GLIS3: variants seen among roughly 807,000 people sequenced by gnomAD.
GLIS3 encodes zinc finger protein GLIS3.
A neutral mutation model predicts 78.6 loss-of-function variants in GLIS3; 53 were observed. The ratio of observed to expected loss-of-function variants is 0.67; its 90% CI spans 0.54 to 0.85. The LOEUF is 0.85. GLIS3 is among the 40% of genes least tolerant of loss of function. GLIS3 has a pLI of 0.00. For synonymous variants in GLIS3, 684 were observed against 509.9 expected, an observed-to-expected ratio of 1.34 and a Z score of -4.60; for missense variants, 1,703 against 1,231.1, an observed-to-expected ratio of 1.38 and a Z score of -5.74.
At chr9:4,342,773 C>A (rs1486118401) in intron 2 of GLIS3, among the ~76,000 whole-genome samples, 2 of 152,152 alleles carry the variant, frequency 1.3e-5, no homozygotes, top group African/African-American at 4.8e-5. Flanking sequence ...CTGATTTCAG[C>A]AGTGTTTTGT....
intron 4 of GLIS3, among the ~76,000 whole-genome samples, chr9:4,014,163 G>T (rs1471589751): frequency 6.6e-6 from 1 of 152,180 alleles, no homozygotes; most frequent in East Asian, 1.9e-4. Flanking sequence ...CCAATGGCTG[G>T]ATTTGGCCTC....
chr9:3,833,366 C>T (rs1467565884), intron 9 of GLIS3, among the ~76,000 whole-genome samples: 1 of 152,104 alleles, frequency 6.6e-6, no homozygotes, highest in Non-Finnish European at 1.5e-5. Context: ...TAAAAAATTC[C>T]GTTAGGGTCT....
At chr9:4,331,286 G>C (rs563112892) in intron 2 of GLIS3, among the ~76,000 whole-genome samples, 5 of 152,152 alleles carry the variant, frequency 3.3e-5, no homozygotes, top group Admixed American at 6.5e-5. Flanking sequence ...CTTCTTTTGT[G>C]CGTGTGTGTC....
chr9:4,145,732 C>G (rs1414959120), intron 2 of GLIS3, among the ~76,000 whole-genome samples: 1 of 151,902 alleles, frequency 6.6e-6, no homozygotes, highest in Non-Finnish European at 1.5e-5. Context: ...GCCAGCTTCC[C>G]TCCTCCCTTT....
intron 4 of GLIS3, among the ~76,000 whole-genome samples, chr9:4,110,775 G>C (rs189083171): frequency 6.6e-6 from 1 of 152,044 alleles, no homozygotes; most frequent in Admixed American, 6.6e-5. Context: ...AGCAATTACA[G>C]TAGAAACTAA....
chr9:4,204,710 G>C (rs942864308), intron 2 of GLIS3, among the ~76,000 whole-genome samples: 1 of 152,066 alleles, frequency 6.6e-6, no homozygotes, highest in Non-Finnish European at 1.5e-5. Flanking sequence ...CTGAGCTCAG[G>C]AGTTTGAGAC....
the GLIS3 span, among the ~76,000 whole-genome samples, chr9:4,407,960 C>A: frequency 1.3e-5 from 2 of 152,044 alleles, no homozygotes; most frequent in Non-Finnish European, 2.9e-5. Context: ...GGGCAAAGAT[C>A]TGAAAAGACA....
chr9:4,058,482 A>G (rs1826332323), intron 4 of GLIS3, among the ~76,000 whole-genome samples: 1 of 151,886 alleles, frequency 6.6e-6, no homozygotes, highest in Non-Finnish European at 1.5e-5. Context: ...TCTTTGCTCA[A>G]ATTTCCCATC....
At chr9:3,886,600 CT>C (rs1416026381) in intron 7 of GLIS3, among the ~76,000 whole-genome samples, 1 of 152,180 alleles carries the variant, frequency 6.6e-6, no homozygotes, top group Non-Finnish European at 1.5e-5. Flanking sequence ...TCAAGAAAGA[CT>C]TTCCCTTCAG....
the GLIS3 span, among the ~76,000 whole-genome samples, chr9:4,483,269 C>A: frequency 6.6e-6 from 1 of 152,268 alleles, no homozygotes; most frequent in African/African-American, 2.4e-5. Flanking sequence ...CAACCACTGC[C>A]GCGTGAAATG....
the GLIS3 span, among the ~76,000 whole-genome samples, chr9:4,388,542 G>A: frequency 6.6e-6 from 1 of 152,240 alleles, no homozygotes; most frequent in East Asian, 1.9e-4. Flanking sequence ...CAGGCGTGGT[G>A]GCGTGTGCCT....
chr9:3,934,341 A>G (rs1456605251), intron 5 of GLIS3, among the ~76,000 whole-genome samples: 1 of 152,122 alleles, frequency 6.6e-6, no homozygotes, highest in Non-Finnish European at 1.5e-5. Flanking sequence ...TTAACAAATT[A>G]TATAAATTGA....
At chr9:4,350,018 G>A (rs1301657713), upstream of GLIS3, among the ~76,000 whole-genome samples, 2 of 152,264 alleles carry the variant, frequency 1.3e-5, no homozygotes, top group Non-Finnish European at 2.9e-5. Context: ...CGGACCAAGA[G>A]CAGTGGGGCA....
the GLIS3 span, among the ~76,000 whole-genome samples, chr9:4,357,655 C>G: frequency 6.6e-6 from 1 of 152,044 alleles, no homozygotes; most frequent in Non-Finnish European, 1.5e-5. Context: ...CATTGACTCA[C>G]GTGAACATCA....
intron 2 of GLIS3, among the ~76,000 whole-genome samples, chr9:4,134,923 G>C (rs1057004938): frequency 2.0e-5 from 3 of 152,164 alleles, no homozygotes; most frequent in African/African-American, 7.2e-5. Context: ...TGAAAGAGCT[G>C]CCCTGGACTA....
intron 2 of GLIS3, among the ~76,000 whole-genome samples, chr9:4,187,057 T>C (rs571612723): frequency 2.0e-5 from 3 of 152,342 alleles, no homozygotes; most frequent in Admixed American, 2.0e-4. Context: ...GTTTTAGACA[T>C]GAAGTCCTTG....
chr9:4,142,825 A>G (rs1057081224), intron 2 of GLIS3, among the ~76,000 whole-genome samples: 30 of 152,128 alleles, frequency 2.0e-4, no homozygotes, highest in African/African-American at 7.0e-4. Flanking sequence ...TTCCTTCCAA[A>G]CCTAACCCAT....
chr9:4,321,756 T>A (rs1171399335), intron 2 of GLIS3, among the ~76,000 whole-genome samples: 1 of 152,056 alleles, frequency 6.6e-6, no homozygotes, highest in Non-Finnish European at 1.5e-5. Flanking sequence ...CTGTCCAGGC[T>A]GGAGTGCAGT....
the GLIS3 span, among the ~76,000 whole-genome samples, chr9:4,422,416 T>C: frequency 6.6e-6 from 1 of 152,196 alleles, no homozygotes; most frequent in Non-Finnish European, 1.5e-5. Context: ...AAAGAAAAAG[T>C]CCATGTATGT....
Sources: allele counts gnomAD v4.1 joint callset (sites outside exome capture counted in the v4.1 genomes callset), GRCh38; gene constraint gnomAD v4.1.1; transcripts MANE v1.5; gene names NCBI Gene and HGNC (gene_info 2026-07-23, HGNC 2026-07-21).